Variants in TXLNB observed in about 807,000 individuals in gnomAD.
TXLNB encodes beta-taxilin.
TXLNB carries 37 observed loss-of-function variants against 57.4 expected under a neutral mutation model. That is an observed-to-expected ratio of 0.64 (90% CI 0.50 to 0.85). The LOEUF (loss-of-function observed/expected upper bound fraction) is 0.85, where lower values mean the gene tolerates loss of function less well. Among genes scored for constraint, TXLNB ranks in the 40% least tolerant of loss-of-function variants. The pLI is 0.00. For synonymous variants in TXLNB, 302 were observed against 309.6 expected, an observed-to-expected ratio of 0.98 and a Z score of 0.26; for missense variants, 848 against 825.6, an observed-to-expected ratio of 1.03 and a Z score of -0.33.
the TXLNB span, among the ~76,000 whole-genome samples, chr6:139,210,063 A>C: frequency 6.6e-6 from 1 of 152,142 alleles, no homozygotes; most frequent in Admixed American, 6.6e-5. Flanking sequence ...TGAATAGACA[A>C]TTGTCAAAAG....
chr6:139,236,383 T>C (rs1035481024), downstream of TXLNB, among the ~76,000 whole-genome samples: 1 of 152,126 alleles, frequency 6.6e-6, no homozygotes, highest in African/African-American at 2.4e-5. Flanking sequence ...GTATGAGCAG[T>C]AGGGCACCAA....
the TXLNB span, among the ~76,000 whole-genome samples, chr6:139,323,826 C>T: frequency 1.1e-3 from 164 of 152,344 alleles, no homozygotes; most frequent in Non-Finnish European, 1.8e-3. Flanking sequence ...CATTCCCCTA[C>T]ATCTGATGGC....
the TXLNB span, among the ~76,000 whole-genome samples, chr6:139,198,445 G>C: frequency 6.6e-6 from 1 of 152,114 alleles, no homozygotes; most frequent in Non-Finnish European, 1.5e-5. Flanking sequence ...CTGGGCTCCT[G>C]AGGACCCTGG....
intron 2 of TXLNB, among the ~76,000 whole-genome samples, chr6:139,286,496 A>T (rs1459657164): frequency 6.6e-6 from 1 of 151,916 alleles, no homozygotes; most frequent in African/African-American, 2.4e-5. Context: ...ACTATCTGGG[A>T]GAGTGACCGG....
intron 2 of TXLNB, among the ~76,000 whole-genome samples, chr6:139,282,696 T>A (rs1294863998): frequency 6.9e-6 from 1 of 145,974 alleles, no homozygotes; most frequent in African/African-American, 2.5e-5. Context: ...AAGACAAAAT[T>A]CATTAACTGA....
intron 4 of TXLNB, 64 bp downstream of exon 4, chr6:139,270,392 T>G: frequency 6.8e-7 from 1 of 1,461,372 alleles, no homozygotes; most frequent in East Asian, 2.3e-5. Flanking sequence ...TTTCCATGAG[T>G]AGCAGAGGCC....
chr6:139,284,309 C>A (rs1777122791), intron 2 of TXLNB, among the ~76,000 whole-genome samples: 1 of 144,818 alleles, frequency 6.9e-6, no homozygotes, highest in Non-Finnish European at 1.5e-5. Context: ...GCGGGTGGAT[C>A]ATGAGGTCAG....
Position 139,266,974 on chromosome 6 carries a change from A to AC in TXLNB, c.687+3481_687+3482insG, listed in dbSNP as rs1218679415. Among the ~76,000 whole-genome samples, 7 of 151,730 alleles carry AC rather than the reference A, an allele frequency of 4.6e-5. No homozygotes were observed. In the South Asian group the frequency reaches 1.2e-3, roughly 27 times the overall value. ...TATTTAAGGCTAAAAGGAAAAAAAA[A>AC]AAAAAAACCCACGAATAGGTTCTCT... On this transcript the variant is annotated intron_variant, in intron 4 of 9. Transcript: ENST00000358430.
chr6:139,245,675 A>C (rs1776050115), intron 8 of TXLNB, among the ~76,000 whole-genome samples: 1 of 152,072 alleles, frequency 6.6e-6, no homozygotes, highest in Non-Finnish European at 1.5e-5. Flanking sequence ...ATTAGTTAGT[A>C]GTTTGTAAAC....
At chr6:139,231,007 A>G in the TXLNB span, among the ~76,000 whole-genome samples, 1 of 152,168 alleles carries the variant, frequency 6.6e-6, no homozygotes. Context: ...ACATGCAACT[A>G]CAAGCATTCA....
chr6:139,222,844 A>C, the TXLNB span, among the ~76,000 whole-genome samples: 3 of 152,090 alleles, frequency 2.0e-5, no homozygotes, highest in Non-Finnish European at 4.4e-5. Context: ...CAAAAACTAC[A>C]CTGATAGTAA....
chr6:139,222,365 G>A, the TXLNB span, among the ~76,000 whole-genome samples: 1 of 152,118 alleles, frequency 6.6e-6, no homozygotes, highest in Non-Finnish European at 1.5e-5. Context: ...ATCACACAAA[G>A]TGGATTTTAA....
At chr6:139,185,572 G>C in the TXLNB span, among the ~76,000 whole-genome samples, 147 of 152,208 alleles carry the variant, frequency 9.7e-4, no homozygotes, top group African/African-American at 3.4e-3. Flanking sequence ...GTGGTGGTGG[G>C]CACCTGTAGT....
chr6:139,193,840 A>ATTTTT, the TXLNB span, among the ~76,000 whole-genome samples: 52 of 85,230 alleles, frequency 6.1e-4, no homozygotes, highest in East Asian at 1.1e-3. Flanking sequence ...ATATATATAT[A>ATTTTT]TTTTTTTTTT....
the TXLNB span, among the ~76,000 whole-genome samples, chr6:139,322,595 C>A: frequency 1.3e-5 from 2 of 152,252 alleles, no homozygotes; most frequent in African/African-American, 4.8e-5. Context: ...TCATGCCTGA[C>A]TCCTCTCTTC....
chr6:139,250,357 C>CTTTTT (rs61441759), intron 7 of TXLNB, among the ~76,000 whole-genome samples: 18 of 118,884 alleles, frequency 1.5e-4, no homozygotes, highest in Non-Finnish European at 1.9e-4. Flanking sequence ...TTCTTTCTTT[C>CTTTTT]TTTTTTTTTT....
chr6:139,167,117 G>C, the TXLNB span: 35 of 1,614,194 alleles, frequency 2.2e-5, no homozygotes, highest in Non-Finnish European at 2.7e-5. Context: ...CGTGCGCATG[G>C]AAGACGATGC....
chr6:139,274,214 T>C (rs933846293), intron 3 of TXLNB, among the ~76,000 whole-genome samples: 2 of 152,248 alleles, frequency 1.3e-5, no homozygotes, highest in South Asian at 4.1e-4. Flanking sequence ...TATTAATGAA[T>C]ACAATGTCAG....
the TXLNB span, among the ~76,000 whole-genome samples, chr6:139,211,971 G>C: frequency 6.6e-6 from 1 of 152,132 alleles, no homozygotes; most frequent in Admixed American, 6.5e-5. Flanking sequence ...AAGAAATATG[G>C]GACTAGTGAA....
Sources: allele counts gnomAD v4.1 joint callset (sites outside exome capture counted in the v4.1 genomes callset), GRCh38; gene constraint gnomAD v4.1.1; transcripts MANE v1.5; gene names NCBI Gene and HGNC (gene_info 2026-07-23, HGNC 2026-07-21).